The following POLGARF variants were observed in gnomAD, a reference collection of about 807,000 sequenced individuals.
The protein encoded by POLGARF is POLG alternative reading frame.
chr15:89,330,929 G>A, the POLGARF span, among the ~76,000 whole-genome samples: 1 of 152,186 alleles, frequency 6.6e-6, no homozygotes, highest in Non-Finnish European at 1.5e-5. Flanking sequence ...TAGGGGATGA[G>A]TGCTGCCTGT....
chr15:89,330,631 C>G, the POLGARF span, among the ~76,000 whole-genome samples: 1 of 152,018 alleles, frequency 6.6e-6, no homozygotes, highest in Non-Finnish European at 1.5e-5. Flanking sequence ...TGAACATTAT[C>G]AACCCCTCAC....
chr15:89,333,651 G>A, the POLGARF span: 8 of 1,581,488 alleles, frequency 5.1e-6, no homozygotes, highest in Non-Finnish European at 6.8e-6. Context: ...CCCGTCGCTG[G>A]GGTCGGACGC....
the POLGARF span, among the ~76,000 whole-genome samples, chr15:89,332,774 T>C: frequency 1.3e-5 from 2 of 152,164 alleles, no homozygotes; most frequent in East Asian, 3.9e-4. Flanking sequence ...TAACTTCTCA[T>C]GACGCTATTA....
At chr15:89,333,263 CG>C in the POLGARF span, 2 of 1,564,954 alleles carry the variant, frequency 1.3e-6, no homozygotes, top group East Asian at 2.4e-5. Context: ...CCGGGGGCTT[CG>C]GGGGCAGCTG....
chr15:89,331,881 G>A, the POLGARF span, among the ~76,000 whole-genome samples: 1 of 151,742 alleles, frequency 6.6e-6, no homozygotes, highest in Admixed American at 6.6e-5. Flanking sequence ...GAGTACCACT[G>A]GCAAGAATGG....
the POLGARF span, chr15:89,333,461 G>A: frequency 1.2e-6 from 2 of 1,611,272 alleles, no homozygotes; most frequent in Admixed American, 1.7e-5. Flanking sequence ...GGCGCACCGC[G>A]GCCTCGCCAG....
the POLGARF span, chr15:89,333,627 T>A: frequency 6.3e-7 from 1 of 1,581,538 alleles, no homozygotes; most frequent in Non-Finnish European, 8.6e-7. Flanking sequence ...CTGCTGCTGC[T>A]GCCGCCGCCG....
the POLGARF span, chr15:89,333,795 G>A: frequency 6.5e-7 from 1 of 1,534,184 alleles, no homozygotes; most frequent in Non-Finnish European, 8.7e-7. Flanking sequence ...CAGAACACCT[G>A]GCTTTGGGCT....
chr15:89,333,486 T>C, the POLGARF span: 1 of 1,612,626 alleles, frequency 6.2e-7, no homozygotes, highest in Non-Finnish European at 8.5e-7. Flanking sequence ...CTCCCCTCCT[T>C]GCCCGAAGAT....
the POLGARF span, chr15:89,333,089 T>A: frequency 3.3e-6 from 5 of 1,511,530 alleles, no homozygotes; most frequent in Middle Eastern, 1.8e-4. Flanking sequence ...ACCCTGCCCC[T>A]ACTTACCAGG....
chr15:89,333,400 G>A, the POLGARF span: 4 of 1,599,316 alleles, frequency 2.5e-6, no homozygotes, highest in Admixed American at 1.7e-5. Context: ...TCGGGCAAGG[G>A]CACGGCTGGC....
At chr15:89,333,207 T>TC in the POLGARF span, 1 of 1,573,372 alleles carries the variant, frequency 6.4e-7, no homozygotes, top group Non-Finnish European at 8.6e-7. Flanking sequence ...GGGTACGGCC[T>TC]CCCCCTCGGG....
At chr15:89,333,754 T>C in the POLGARF span, 8 of 1,535,024 alleles carry the variant, frequency 5.2e-6, no homozygotes, top group Admixed American at 1.6e-4. Flanking sequence ...AGGCGGCTCA[T>C]GGTTGGTGCA....
chr15:89,331,115 C>T, the POLGARF span, among the ~76,000 whole-genome samples: 5 of 149,214 alleles, frequency 3.4e-5, no homozygotes. Context: ...AACACAGCTG[C>T]GAAGGAGCTC....
At chr15:89,331,004 G>A in the POLGARF span, among the ~76,000 whole-genome samples, 1 of 152,198 alleles carries the variant, frequency 6.6e-6, no homozygotes, top group African/African-American at 2.4e-5. Context: ...GCTAGGTGTA[G>A]GGGAATGGCC....
At chr15:89,331,847 A>G in the POLGARF span, among the ~76,000 whole-genome samples, 4 of 147,414 alleles carry the variant, frequency 2.7e-5, no homozygotes, top group African/African-American at 7.6e-5. Flanking sequence ...GACTTCTGCC[A>G]TCAGGTCAAC....
At chr15:89,331,550 T>C in the POLGARF span, among the ~76,000 whole-genome samples, 2 of 152,334 alleles carry the variant, frequency 1.3e-5, no homozygotes, top group Non-Finnish European at 2.9e-5. Context: ...CTGTGAATCT[T>C]AGAAAAATGC....
the POLGARF span, chr15:89,333,612 T>C: frequency 1.2e-6 from 2 of 1,600,120 alleles, no homozygotes; most frequent in Non-Finnish European, 1.7e-6. Flanking sequence ...CTGCTGCTGC[T>C]GCTGCTGCTG....
the POLGARF span, chr15:89,332,957 G>T: frequency 8.8e-7 from 1 of 1,141,908 alleles, no homozygotes; most frequent in Non-Finnish European, 1.2e-6. Context: ...ATAAACAGGG[G>T]TCTAGTCCTA....
Sources: allele counts gnomAD v4.1 joint callset (sites outside exome capture counted in the v4.1 genomes callset), GRCh38; gene constraint gnomAD v4.1.1; transcripts MANE v1.5; gene names NCBI Gene and HGNC (gene_info 2026-07-23, HGNC 2026-07-21).